ARHGAP6: variants seen among roughly 807,000 people sequenced by gnomAD.
ARHGAP6 encodes the protein rho GTPase-activating protein 6.
Under a neutral mutation model 55.7 loss-of-function variants are expected in ARHGAP6, and 16 were observed. That is an observed-to-expected ratio of 0.29 (90% CI 0.19 to 0.44). The LOEUF (loss-of-function observed/expected upper bound fraction) is 0.44. Among genes scored for constraint, ARHGAP6 ranks in the 20% least tolerant of loss-of-function variants. The pLI, the probability that ARHGAP6 is intolerant of heterozygous loss-of-function variation, is 1.00. For synonymous variants in ARHGAP6, 382 were observed against 360.9 expected (o/e 1.06, Z -0.66); for missense variants, 698 against 808.9 (o/e 0.86, Z 1.66).
chrX:11,202,925 T>C (rs2046653346), intron 2 of ARHGAP6, among the ~76,000 whole-genome samples: 1 of 109,073 alleles, frequency 9.2e-6, no homozygotes, highest in Non-Finnish European at 1.9e-5. Flanking sequence ...CAGACAGCCT[T>C]GTTCCAAATC....
chrX:11,353,036 G>A (rs1201427544), intron 1 of ARHGAP6, among the ~76,000 whole-genome samples: 2 of 111,773 alleles, frequency 1.8e-5, no homozygotes, highest in East Asian at 5.6e-4. Flanking sequence ...GTATCCATCT[G>A]TGGGTAGCCA....
intron 1 of ARHGAP6, among the ~76,000 whole-genome samples, chrX:11,590,827 A>AG (rs2051803761): frequency 3.7e-5 from 2 of 53,744 alleles, no homozygotes; most frequent in African/African-American, 2.2e-4. Flanking sequence ...AAAAGAAAAG[A>AG]AAAGAAAAGA....
Position 11,169,646 on chromosome X carries a change from G to C in ARHGAP6, c.1668C>G (p.Thr556=). ...TGTGCAGCAGGTTGGGTCCAAATAT[G>C]GTGGCTAAGTTTAGAGATGTCATTT... ...GNKMTSLNLA[T]IFGPNLLHKQ... Residue 556 remains threonine (T), a synonymous_variant, in exon 9 of 13, where the codon ACC becomes ACG. Coordinates refer to ENST00000337414, the MANE Select transcript of ARHGAP6 (RefSeq NM_013427.3). The C allele has an allele frequency of 7.5e-6, 9 of 1,205,022 alleles. No homozygotes were observed. Among genetic ancestry groups the C allele is most frequent in the Non-Finnish European group, 1.0e-5 (9 of 892,340 alleles).
At chrX:11,600,208 A>G (rs1343337931) in intron 1 of ARHGAP6, among the ~76,000 whole-genome samples, 1 of 111,864 alleles carries the variant, frequency 8.9e-6, no homozygotes, top group East Asian at 2.8e-4. Context: ...AAAGGAAAAC[A>G]GTATCAGTAT....
At chrX:11,354,305 CTCTCTCTCTCTCTCTCTCTCTCTATA>C (rs1409944140) in intron 1 of ARHGAP6, among the ~76,000 whole-genome samples, 2 of 60,422 alleles carry the variant, frequency 3.3e-5, no homozygotes, top group Admixed American at 2.0e-4. Flanking sequence ...TTCTCTCTCT[CTCTCTCTCTCTCTCTCTCTCTCTATA>C]TATATATATA....
intron 2 of ARHGAP6, among the ~76,000 whole-genome samples, chrX:11,211,370 C>T (rs779090411): frequency 2.8e-5 from 3 of 107,566 alleles, no homozygotes; most frequent in Non-Finnish European, 5.8e-5. Flanking sequence ...TACAGGCGCC[C>T]GCCACACTAA....
chrX:11,441,750 T>C (rs1244547368), intron 1 of ARHGAP6, among the ~76,000 whole-genome samples: 1 of 111,637 alleles, frequency 9.0e-6, no homozygotes, highest in African/African-American at 3.3e-5. Context: ...TTGGATTTCT[T>C]TTTAAAAAAT....
At chrX:11,561,587 T>C (rs2051384657) in intron 1 of ARHGAP6, among the ~76,000 whole-genome samples, 1 of 112,249 alleles carries the variant, frequency 8.9e-6, no homozygotes, top group African/African-American at 3.2e-5. Context: ...TATCTGTATG[T>C]ATACATGAAC....
intron 1 of ARHGAP6, among the ~76,000 whole-genome samples, chrX:11,259,145 C>T (rs2047527149): frequency 9.0e-6 from 1 of 111,424 alleles, no homozygotes; most frequent in Non-Finnish European, 1.9e-5. Context: ...CCCCACACTG[C>T]CCTTCCAAGC....
intron 1 of ARHGAP6, among the ~76,000 whole-genome samples, chrX:11,336,878 T>C (rs1187119731): frequency 8.9e-6 from 1 of 111,746 alleles, no homozygotes; most frequent in Non-Finnish European, 1.9e-5. Context: ...CAGCCAAGCA[T>C]GATTCAGGAA....
At chrX:11,219,830 T>C (rs2046941655) in intron 2 of ARHGAP6, among the ~76,000 whole-genome samples, 1 of 98,258 alleles carries the variant, frequency 1.0e-5, no homozygotes. Flanking sequence ...TTCTCCCATG[T>C]TGTAGGTTGC....
At chrX:11,628,701 G>T in intron 1 of ARHGAP6, among the ~76,000 whole-genome samples, 1 of 112,235 alleles carries the variant, frequency 8.9e-6, no homozygotes, top group Non-Finnish European at 1.9e-5. Flanking sequence ...CTAAAAATCT[G>T]CTACGTGAAA....
chrX:11,143,911 A>G, intron 11 of ARHGAP6, 69 bp downstream of exon 11: 1 of 1,211,118 alleles, frequency 8.3e-7, no homozygotes, highest in Non-Finnish European at 1.1e-6. Context: ...AGAGCCCCAC[A>G]CCATGCCACA....
chrX:11,245,252 A>T (rs1016350407), intron 2 of ARHGAP6, among the ~76,000 whole-genome samples: 3 of 111,760 alleles, frequency 2.7e-5, no homozygotes, highest in African/African-American at 9.8e-5. Flanking sequence ...ACTCCTTTTG[A>T]CATAGTGTTG....
At chrX:11,272,596 C>T (rs532043029) in intron 1 of ARHGAP6, among the ~76,000 whole-genome samples, 2 of 110,424 alleles carry the variant, frequency 1.8e-5, no homozygotes, top group East Asian at 2.8e-4. Flanking sequence ...GAGAGCATAA[C>T]GTGCCCTCAT....
At chrX:11,413,375 G>A (rs765260704) in intron 1 of ARHGAP6, among the ~76,000 whole-genome samples, 23 of 111,382 alleles carry the variant, frequency 2.1e-4, no homozygotes, top group African/African-American at 6.2e-4. Flanking sequence ...CTGTTAAGAC[G>A]TCTTCATTCA....
At chrX:11,330,355 G>T (rs1378789238) in intron 1 of ARHGAP6, among the ~76,000 whole-genome samples, 1 of 112,125 alleles carries the variant, frequency 8.9e-6, no homozygotes, top group Non-Finnish European at 1.9e-5. Flanking sequence ...TAATCAGCTC[G>T]ATTTAATCAT....
At chrX:11,391,027 T>C (rs767611323) in intron 1 of ARHGAP6, among the ~76,000 whole-genome samples, 180 of 111,931 alleles carry the variant, frequency 1.6e-3, no homozygotes, top group Middle Eastern at 0.014. Context: ...ATGTTTATTG[T>C]GGCACTATTC....
intron 1 of ARHGAP6, among the ~76,000 whole-genome samples, chrX:11,663,534 G>A (rs1017716060): frequency 3.6e-5 from 4 of 112,009 alleles, no homozygotes; most frequent in African/African-American, 1.3e-4. Context: ...TATTTTAAGG[G>A]TATCTGATAG....
Sources: allele counts gnomAD v4.1 joint callset (sites outside exome capture counted in the v4.1 genomes callset), GRCh38; gene constraint gnomAD v4.1.1; transcripts MANE v1.5; gene names NCBI Gene and HGNC (gene_info 2026-07-23, HGNC 2026-07-21).